CLN8: variants seen among roughly 807,000 people sequenced by gnomAD.
CLN8 encodes protein CLN8.
In CLN8, 14 loss-of-function variants were observed where a neutral mutation model predicts 15.7. The ratio of observed to expected loss-of-function variants is 0.89; its 90% CI spans 0.59 to 1.39. The LOEUF is 1.39. Ranked by LOEUF, CLN8 falls within the 40% of genes most tolerant of loss-of-function variation. The pLI is 0.00. For missense variants in CLN8, 415 were observed against 364.0 expected (o/e 1.14, Z -1.14); for synonymous variants, 188 against 151.0 (o/e 1.25, Z -1.80).
At chr8:1,779,803 T>C (rs1801651628) in intron 2 of CLN8, among the ~76,000 whole-genome samples, 1 of 152,190 alleles carries the variant, frequency 6.6e-6, no homozygotes, top group Non-Finnish European at 1.5e-5. Context: ...GACACTAATC[T>C]CATCATGGGG....
At chr8:1,764,903 G>A (rs370721714) in intron 1 of CLN8, among the ~76,000 whole-genome samples, 4 of 152,332 alleles carry the variant, frequency 2.6e-5, no homozygotes, top group African/African-American at 9.6e-5. Context: ...TAACTATCCA[G>A]CTTCTGCTTA....
In CLN8 at chr8:1,770,345, AG is replaced by A. The variant is rs545074293; in HGVS notation, c.-123-583del. On this transcript the variant is annotated intron_variant, in intron 1 of 2. Transcript: ENST00000331222. ...AAGGTTATAGCATGGAGTGAGATGC[AG>A]GGGATGGTGAGAGTGGAACCAGAGA... Among the ~76,000 whole-genome samples, 44 of 152,288 alleles carry A rather than the reference AG, an allele frequency of 2.9e-4. 1 individual carries two copies. In the East Asian group the frequency reaches 8.3e-3, roughly 29 times the overall value.
chr8:1,754,250 C>T (rs1408907393), upstream of CLN8, among the ~76,000 whole-genome samples: 3 of 152,178 alleles, frequency 2.0e-5, no homozygotes, highest in Non-Finnish European at 4.4e-5. Flanking sequence ...GCCCGTTGCT[C>T]CCTTGCAATG....
chr8:1,753,630 T>C (rs1168269426), upstream of CLN8, among the ~76,000 whole-genome samples: 1 of 66,024 alleles, frequency 1.5e-5, no homozygotes, highest in African/African-American at 4.8e-5. Flanking sequence ...CTCACACCTG[T>C]AATCCCACAC....
At chr8:1,755,445 C>G (rs1800648018), upstream of CLN8, among the ~76,000 whole-genome samples, 1 of 152,196 alleles carries the variant, frequency 6.6e-6, no homozygotes, top group Admixed American at 6.5e-5. Flanking sequence ...GACCCCTCCC[C>G]ACCTTTGTGG....
intron 1 of CLN8, among the ~76,000 whole-genome samples, chr8:1,766,511 T>C (rs1370754049): frequency 6.7e-6 from 1 of 150,354 alleles, no homozygotes; most frequent in African/African-American, 2.4e-5. Context: ...TGCCTCAGCC[T>C]CCCGAGTAGC....
Position 1,776,953 on chromosome 8 carries a change from C to T in CLN8, c.544-3297C>T, listed in dbSNP as rs992589583. Reference sequence around the variant, plus strand: ...CACAGACACGGTGAGAGACGTTACCCGGACGCAAAAGAGTACACAGCGTGT... The same window carrying T: ...CACAGACACGGTGAGAGACGTTACCTGGACGCAAAAGAGTACACAGCGTGT... On this transcript the variant is annotated intron_variant, in intron 2 of 2. Transcript: ENST00000331222. Among the ~76,000 whole-genome samples the T allele has an allele frequency of 2.6e-5, 4 of 152,268 alleles. No homozygotes were observed. In the Middle Eastern group the frequency reaches 0.01, roughly 388 times the overall value.
At chr8:1,761,659 G>A (rs1478660262), upstream of CLN8, among the ~76,000 whole-genome samples, 1 of 152,266 alleles carries the variant, frequency 6.6e-6, no homozygotes, top group East Asian at 1.9e-4. Flanking sequence ...AATTTGGTAG[G>A]TAGGGGGCCA....
rs1801692636 is a variant in CLN8, at chr8:1,780,761, G to A, written c.*194G>A. ...TATTTTTAAGAAATTATAATTTTAT[G>A]ACTGTCTGGCAGGCTCTGTCAGTTT... On this transcript the variant is annotated 3_prime_UTR_variant, in exon 3 of 3. Transcript: ENST00000331222. 8 of 642,768 alleles carry A rather than the reference G, an allele frequency of 1.2e-5. No individual in the cohort carries two copies. In the South Asian group the frequency reaches 1.4e-4, roughly 11 times the overall value. 39.8% of individuals were successfully genotyped at this position (642,768 alleles called of 1,614,324 possible). A position where few individuals can be genotyped will look rare whatever the true frequency, so the allele number is the denominator to read the frequency against.
intron 2 of CLN8, among the ~76,000 whole-genome samples, chr8:1,772,138 A>T (rs1005041054): frequency 6.6e-6 from 1 of 151,880 alleles, no homozygotes; most frequent in Non-Finnish European, 1.5e-5. Context: ...GGGTTTCACT[A>T]TGTTGGTCAG....
At position 1,781,178 on chromosome 8, in the gene CLN8, T is replaced by G. The variant is rs1283901875; in HGVS notation, c.*611T>G. ...TTCGAGACCAGCCTGGTCAAGATGG[T>G]GAAACCCCATCTCTACTAAAATTAC... is the stretch of plus-strand genomic sequence containing the variant. On this transcript the variant is annotated 3_prime_UTR_variant, in exon 3 of 3. Coordinates refer to ENST00000331222, the MANE Select transcript of CLN8 (RefSeq NM_018941.4). 6.6e-6 allele frequency: 1 copy of G among 152,520 alleles called. No individual in the cohort carries two copies. Among genetic ancestry groups the G allele is most frequent in the Non-Finnish European group, 1.5e-5 (1 of 68,558 alleles). 9.4% of individuals were successfully genotyped at this position (152,520 alleles called of 1,614,324 possible).
intron 1 of CLN8, among the ~76,000 whole-genome samples, chr8:1,769,685 C>T (rs113299288): frequency 1.2e-3 from 179 of 152,310 alleles, no homozygotes; most frequent in African/African-American, 4.2e-3. Context: ...CACGTCCCTT[C>T]CAGTTTTTCA....
rs1801752104 is a variant in CLN8 at position 1,783,297 on chromosome 8, T to A, written c.*2730T>A. On this transcript the variant is annotated 3_prime_UTR_variant, in exon 3 of 3. Coordinates refer to ENST00000331222, the MANE Select transcript of CLN8 (RefSeq NM_018941.4). ...CGTGCTTCACATCCTCTATTGAGAG[T>A]TACAGCAAGTGTTAAACGAGGTGAG... The A allele has an allele frequency of 6.6e-6, 1 of 152,182 alleles. No homozygotes were observed. Among genetic ancestry groups the A allele is most frequent in the Admixed American group, 6.5e-5 (1 of 15,284 alleles). 9.4% of individuals were successfully genotyped at this position (152,182 alleles called of 1,614,324 possible).
At chr8:1,774,085 TC>T (rs1196347957) in intron 2 of CLN8, among the ~76,000 whole-genome samples, 1 of 152,224 alleles carries the variant, frequency 6.6e-6, no homozygotes, top group African/African-American at 2.4e-5. Context: ...GTGTTGGATT[TC>T]TCCAGGGTTT....
intron 2 of CLN8, among the ~76,000 whole-genome samples, chr8:1,772,662 T>G (rs1230398140): frequency 2.6e-5 from 4 of 151,924 alleles, no homozygotes; most frequent in Non-Finnish European, 5.9e-5. Context: ...GTATTTTTAG[T>G]AGAGACGGAG....
At chr8:1,779,703 G>C (rs1801647745) in intron 2 of CLN8, among the ~76,000 whole-genome samples, 1 of 152,174 alleles carries the variant, frequency 6.6e-6, no homozygotes, top group Non-Finnish European at 1.5e-5. Flanking sequence ...TTCATGTCTG[G>C]TGAAGACCCA....
chr8:1,779,626 T>C (rs1187659209), intron 2 of CLN8, among the ~76,000 whole-genome samples: 1 of 152,212 alleles, frequency 6.6e-6, no homozygotes, highest in Middle Eastern at 3.2e-3. Flanking sequence ...ACTAGGCAGC[T>C]GGAATAGCAG....
rs1177605261 is a variant in CLN8, at chr8:1,780,751, A to G, written c.*184A>G. 1 of 655,076 alleles carries G rather than the reference A, an allele frequency of 1.5e-6. No homozygotes were observed. Among genetic ancestry groups the G allele is most frequent in the Non-Finnish European group, 2.6e-6 (1 of 388,702 alleles). 40.6% of individuals were successfully genotyped at this position (655,076 alleles called of 1,614,324 possible). The stretch of plus-strand genomic sequence containing the variant: ...AGCTACAAAGTATTTTTAAGAAATT[A>G]TAATTTTATGACTGTCTGGCAGGCT... On this transcript the variant is annotated 3_prime_UTR_variant, in exon 3 of 3. Coordinates refer to ENST00000331222, the MANE Select transcript of CLN8 (RefSeq NM_018941.4).
intron 2 of CLN8, among the ~76,000 whole-genome samples, chr8:1,775,772 G>A (rs1273463222): frequency 6.6e-6 from 1 of 152,132 alleles, no homozygotes; most frequent in Non-Finnish European, 1.5e-5. Context: ...CTGATGTTCA[G>A]AACATCGACT....
Sources: gnomAD v4.1 joint callset for allele counts (sites outside exome capture counted in the v4.1 genomes callset) on GRCh38, gnomAD v4.1.1 for gene constraint, MANE v1.5 for transcripts, NCBI Gene and HGNC (gene_info 2026-07-23, HGNC 2026-07-21) for gene names.